Variants in UBAP1 observed in about 807,000 individuals in gnomAD.
UBAP1 encodes the protein ubiquitin associated protein 1.
UBAP1 carries 5 observed loss-of-function variants against 39.0 expected under a neutral mutation model. The observed-to-expected ratio is 0.13, with a 90% CI of 0.07 to 0.27. The LOEUF is 0.27. UBAP1 is among the 10% of genes least tolerant of loss of function. The pLI, the probability that UBAP1 is intolerant of heterozygous loss-of-function variation, is 1.00. For synonymous variants in UBAP1, 211 were observed against 225.1 expected, an observed-to-expected ratio of 0.94 and a Z score of 0.56; for missense variants, 490 against 608.1, an observed-to-expected ratio of 0.81 and a Z score of 2.04.
chr9:34,241,290 A>G lies in UBAP1; in HGVS notation c.265A>G (p.Lys89Glu), dbSNP rs977224797. ...AECKIAEAEA[K>E]VNSKSGPEGD... ...GTGCAAAATTGCGGAAGCAGAAGCTAAAGTGAATTCTAAGAGTGGCCCAGA... is the reference window on the plus strand; with the variant it reads ...GTGCAAAATTGCGGAAGCAGAAGCTGAAGTGAATTCTAAGAGTGGCCCAGA... Residue 89 changes from lysine (K) to glutamate (E), a missense_variant, in exon 4 of 7, where the codon AAA becomes GAA. Lys to Glu is a moderately conservative substitution (Grantham distance 56). Around this residue, in one of 3 missense-constraint regions of UBAP1, gnomAD observed 144 missense variants for 184.4 expected, o/e 0.78. Transcript: ENST00000297661. 3 of 1,508,760 alleles carry G rather than the reference A, an allele frequency of 2.0e-6. No individual in the cohort carries two copies. Among genetic ancestry groups the G allele is most frequent in the Admixed American group, 4.6e-5 (2 of 43,854 alleles). 93.5% of individuals were successfully genotyped at this position (1,508,760 alleles called of 1,614,324 possible). A position where few individuals can be genotyped will look rare whatever the true frequency, so the allele number is the denominator to read the frequency against.
At chr9:34,183,405 C>T (rs1830198032) in intron 1 of UBAP1, among the ~76,000 whole-genome samples, 1 of 151,322 alleles carries the variant, frequency 6.6e-6, no homozygotes, top group African/African-American at 2.4e-5. Flanking sequence ...ATTAGCCGGG[C>T]GTGGTGGTGT....
intron 1 of UBAP1, among the ~76,000 whole-genome samples, chr9:34,196,898 T>G (rs1207639429): frequency 7.1e-6 from 1 of 141,320 alleles, no homozygotes; most frequent in Non-Finnish European, 1.5e-5. Flanking sequence ...ATATTGTTAT[T>G]TGTGTGTGTG....
At chr9:34,239,428 C>T (rs911272630) in intron 3 of UBAP1, among the ~76,000 whole-genome samples, 1 of 152,200 alleles carries the variant, frequency 6.6e-6, no homozygotes, top group African/African-American at 2.4e-5. Context: ...ACCTAGAGCT[C>T]TAGACAGATG....
chr9:34,207,663 T>TG (rs906797921), intron 1 of UBAP1, among the ~76,000 whole-genome samples: 1 of 146,198 alleles, frequency 6.8e-6, no homozygotes, highest in Non-Finnish European at 1.5e-5. Flanking sequence ...ATTTATTTCT[T>TG]TTTTTTTTTT....
chr9:34,232,151 C>T (rs539436204), intron 2 of UBAP1, among the ~76,000 whole-genome samples: 45 of 152,220 alleles, frequency 3.0e-4, no homozygotes, highest in African/African-American at 8.2e-4. Context: ...TGTGCCACTA[C>T]GCCCGGTGCA....
intron 1 of UBAP1, chr9:34,212,038 T>TA (rs1470298094): frequency 4.7e-6 from 2 of 425,196 alleles, no homozygotes; most frequent in Admixed American, 5.2e-5. Context: ...TACCACCAGC[T>TA]AAAAAAGAAA....
intron 5 of UBAP1, among the ~76,000 whole-genome samples, chr9:34,250,311 G>A (rs1335815506): frequency 6.6e-6 from 1 of 152,198 alleles, no homozygotes; most frequent in Non-Finnish European, 1.5e-5. Context: ...GTTGAATTAG[G>A]GTACTGGAGT....
intron 1 of UBAP1, among the ~76,000 whole-genome samples, chr9:34,204,398 G>C (rs923159789): frequency 2.6e-5 from 4 of 152,088 alleles, no homozygotes; most frequent in African/African-American, 9.7e-5. Context: ...AAAGGGTGTG[G>C]ATTGTATATA....
intron 2 of UBAP1, 124 bp from the exon 3 acceptor site, chr9:34,234,092 A>G (rs1454548929): frequency 1.1e-6 from 1 of 937,718 alleles, no homozygotes; most frequent in East Asian, 2.7e-5. Flanking sequence ...CAGTCAGAGA[A>G]GGAACTCTGT....
intron 4 of UBAP1, 65 bp downstream of exon 4, chr9:34,242,173 T>G (rs1170617179): frequency 2.7e-6 from 4 of 1,483,056 alleles, no homozygotes; most frequent in Non-Finnish European, 3.6e-6. Flanking sequence ...TGTTTTTTCT[T>G]GTTGTTTGGT....
At chr9:34,202,090 C>T (rs972792226) in intron 1 of UBAP1, among the ~76,000 whole-genome samples, 2 of 152,130 alleles carry the variant, frequency 1.3e-5, no homozygotes, top group Non-Finnish European at 2.9e-5. Context: ...CAGAAGCTCT[C>T]CAAATCCAGT....
intron 3 of UBAP1, among the ~76,000 whole-genome samples, chr9:34,234,956 G>T (rs1164653678): frequency 6.6e-6 from 1 of 152,154 alleles, no homozygotes; most frequent in Non-Finnish European, 1.5e-5. Context: ...GGAGATGACA[G>T]CTCCATGCAT....
chr9:34,187,154 C>T (rs1213454474), intron 1 of UBAP1, among the ~76,000 whole-genome samples: 1 of 152,128 alleles, frequency 6.6e-6, no homozygotes, highest in African/African-American at 2.4e-5. Flanking sequence ...GTGATCCACC[C>T]GCCTGGGCCT....
chr9:34,214,786 GAAA>G (rs34075193), intron 1 of UBAP1, among the ~76,000 whole-genome samples: 1 of 151,780 alleles, frequency 6.6e-6, no homozygotes, highest in Non-Finnish European at 1.5e-5. Flanking sequence ...AACTCAGTAA[GAAA>G]AAAACAATCC....
At chr9:34,243,980 G>C (rs1834095856) in intron 4 of UBAP1, among the ~76,000 whole-genome samples, 2 of 152,078 alleles carry the variant, frequency 1.3e-5, no homozygotes, top group Non-Finnish European at 2.9e-5. Flanking sequence ...CTCCAGAGTA[G>C]CAGGGATTAC....
In UBAP1 at chr9:34,235,307, A is replaced by ATGTGTG. The variant is rs10535791; in HGVS notation, c.159+987_159+992dup. ...CATTTGTGTATATGTGTATATATAT[A>ATGTGTG]TGTGTGTGTGTGTGTGTGTGTGTGT... On this transcript the variant is annotated intron_variant, in intron 3 of 6. Transcript: ENST00000297661. Among the ~76,000 whole-genome samples, 57 of 140,478 alleles carry ATGTGTG rather than the reference A, an allele frequency of 4.1e-4. 1 individual carries two copies. In the East Asian group the frequency reaches 5.4e-3, roughly 13 times the overall value. The allele number at this position is 140,478 out of a possible 152,430, so 92.2% of individuals were successfully genotyped here. A position where few individuals can be genotyped will look rare whatever the true frequency, so the allele number is the denominator to read the frequency against.
chr9:34,227,765 T>C (rs780817093), intron 2 of UBAP1, among the ~76,000 whole-genome samples: 4 of 152,244 alleles, frequency 2.6e-5, no homozygotes, highest in Non-Finnish European at 5.9e-5. Context: ...GCAAATATTT[T>C]AGGAAGATTT....
chr9:34,185,273 C>T (rs897680099), intron 1 of UBAP1, among the ~76,000 whole-genome samples: 4 of 152,150 alleles, frequency 2.6e-5, no homozygotes, highest in African/African-American at 9.7e-5. Flanking sequence ...CTTGGCCAGA[C>T]ACAGTGGCTC....
At chr9:34,214,541 G>C (rs1197226401) in intron 1 of UBAP1, among the ~76,000 whole-genome samples, 4 of 152,156 alleles carry the variant, frequency 2.6e-5, no homozygotes. Flanking sequence ...AAAAATTCTA[G>C]AAGGTATCAT....
Sources: allele counts gnomAD v4.1 joint callset (sites outside exome capture counted in the v4.1 genomes callset), GRCh38; gene constraint gnomAD v4.1.1; regional missense constraint gnomAD v4.1.1; transcripts MANE v1.5; gene names NCBI Gene and HGNC (gene_info 2026-07-23, HGNC 2026-07-21).